RAPGEF6: variants seen among roughly 807,000 people sequenced by gnomAD.
The protein encoded by RAPGEF6 is Rap guanine nucleotide exchange factor 6.
Under a neutral mutation model 171.4 loss-of-function variants are expected in RAPGEF6, and 56 were observed. The observed-to-expected ratio is 0.33, with a 90% CI of 0.26 to 0.41. RAPGEF6 has a LOEUF of 0.41. Among genes scored for constraint, RAPGEF6 ranks in the 10% least tolerant of loss-of-function variants. The pLI, the probability that RAPGEF6 is intolerant of heterozygous loss-of-function variation, is 1.00. For synonymous variants in RAPGEF6, 692 were observed against 650.1 expected, an observed-to-expected ratio of 1.06 and a Z score of -0.98; for missense variants, 1,674 against 1,921.4, an observed-to-expected ratio of 0.87 and a Z score of 2.41.
intron 21 of RAPGEF6, 181 bp from the exon 22 acceptor site, chr5:131,446,884 G>C (rs1416661122): frequency 2.0e-5 from 12 of 605,224 alleles, no homozygotes; most frequent in Non-Finnish European, 3.4e-5. Context: ...ATTAAGAACA[G>C]GATTTGGCAA....
Position 131,442,352 on chromosome 5 carries a change from G to A in RAPGEF6, c.3607C>T (p.Leu1203=), listed in dbSNP as rs773144805. The A allele has an allele frequency of 1.9e-6, 3 of 1,613,242 alleles. No individual in the cohort carries two copies. The highest frequency in any genetic ancestry group is 2.5e-6 in the Non-Finnish European group (3 of 1,179,394). The change falls in exon 23 of 28, where the codon CTG becomes TTG. Residue 1203 remains leucine (L), a synonymous_variant. Transcript: ENST00000509018. ...RKKGQTKDPA[L]NTSLPQKVLG... Reference sequence around the variant, plus strand: ...AATATTAATGGTGAATACTCACTCAGTGCAGGGTCTTTTGTTTGTCCCTTC... The same window carrying A: ...AATATTAATGGTGAATACTCACTCAATGCAGGGTCTTTTGTTTGTCCCTTC...
At chr5:131,588,110 G>A (rs1763368660) in intron 4 of RAPGEF6, among the ~76,000 whole-genome samples, 1 of 151,984 alleles carries the variant, frequency 6.6e-6, no homozygotes, top group Non-Finnish European at 1.5e-5. Context: ...TGGGGGTCCT[G>A]AGATTTATTT....
At chr5:131,627,644 A>C (rs1188863764) in intron 1 of RAPGEF6, among the ~76,000 whole-genome samples, 1 of 152,228 alleles carries the variant, frequency 6.6e-6, no homozygotes, top group African/African-American at 2.4e-5. Flanking sequence ...GGCTTCTTTA[A>C]GGAATTCTGG....
chr5:131,509,378 C>T (rs974546638), intron 8 of RAPGEF6, among the ~76,000 whole-genome samples: 1 of 151,976 alleles, frequency 6.6e-6, no homozygotes, highest in Admixed American at 6.6e-5. Context: ...CCCATTGCTA[C>T]TAAAAATACA....
intron 5 of RAPGEF6, among the ~76,000 whole-genome samples, chr5:131,553,749 A>G (rs1398814396): frequency 6.6e-6 from 1 of 152,104 alleles, no homozygotes; most frequent in African/African-American, 2.4e-5. Context: ...TACCAAAGAG[A>G]AAGAGGAAAA....
At chr5:131,551,238 G>A (rs556372473) in intron 5 of RAPGEF6, among the ~76,000 whole-genome samples, 1 of 152,260 alleles carries the variant, frequency 6.6e-6, no homozygotes, top group South Asian at 2.1e-4. Flanking sequence ...CACAGGCTGG[G>A]CAGGGTGGCT....
intron 6 of RAPGEF6, among the ~76,000 whole-genome samples, chr5:131,526,668 T>C (rs1758887333): frequency 6.6e-6 from 1 of 152,216 alleles, no homozygotes; most frequent in Non-Finnish European, 1.5e-5. Flanking sequence ...TTTCTCTTCC[T>C]GATCTACCTG....
At chr5:131,575,526 C>CG (rs1762553765) in intron 4 of RAPGEF6, among the ~76,000 whole-genome samples, 1 of 152,180 alleles carries the variant, frequency 6.6e-6, no homozygotes, top group Non-Finnish European at 1.5e-5. Flanking sequence ...GAAACCCCAA[C>CG]CCCTTCTACA....
intron 4 of RAPGEF6, among the ~76,000 whole-genome samples, chr5:131,579,862 T>A (rs1012903851): frequency 6.6e-6 from 1 of 152,208 alleles, no homozygotes; most frequent in Non-Finnish European, 1.5e-5. Flanking sequence ...GATTGGCGCA[T>A]ATACAATCCC....
Position 131,566,650 on chromosome 5 carries a change from T to G in RAPGEF6, c.282-4603A>C, listed in dbSNP as rs947361086. ...CTAATACAAAGTCTTTTGGAATGTATGTAATAATGCTTCTTATGTTTGAAA... is the reference window on the plus strand; with the variant it reads ...CTAATACAAAGTCTTTTGGAATGTAGGTAATAATGCTTCTTATGTTTGAAA... On this transcript the variant is annotated intron_variant, in intron 4 of 27. Transcript: ENST00000509018. 2.0e-5 allele frequency among the ~76,000 whole-genome samples: 3 copies of G among 152,134 alleles called. No homozygotes were observed. In the South Asian group the frequency reaches 6.2e-4, roughly 31 times the overall value.
chr5:131,479,053 T>C (rs1043152184), intron 16 of RAPGEF6, among the ~76,000 whole-genome samples: 2 of 152,114 alleles, frequency 1.3e-5, no homozygotes, highest in Non-Finnish European at 2.9e-5. Context: ...TTTAAAATCT[T>C]CAAGTATTAC....
intron 10 of RAPGEF6, 79 bp downstream of exon 10, chr5:131,505,285 T>C: frequency 7.1e-7 from 1 of 1,416,906 alleles, no homozygotes; most frequent in South Asian, 1.2e-5. Flanking sequence ...ATAAAGCTAT[T>C]TTCTTTTGAG....
rs1228528167 is a variant in RAPGEF6, at chr5:131,492,481, AT to A, written c.1731+100del. On this transcript the variant is annotated intron_variant, in intron 14 of 27. Transcript: ENST00000509018. Reference sequence around the variant, plus strand: ...CCTCTAAAAAAAGGCTCAGAAAAATATTTCCTTAAACTGATCATGCTTTCTG... The same window carrying A: ...CCTCTAAAAAAAGGCTCAGAAAAATATTCCTTAAACTGATCATGCTTTCTG... The A allele has an allele frequency of 3.4e-6, 4 of 1,185,688 alleles. No individual in the cohort carries two copies. In the East Asian group the frequency reaches 7.1e-5, roughly 21 times the overall value. 73.4% of individuals were successfully genotyped at this position (1,185,688 alleles called of 1,614,324 possible). A position where few individuals can be genotyped will look rare whatever the true frequency, so the allele number is the denominator to read the frequency against.
At chr5:131,609,246 A>G (rs753211057) in intron 1 of RAPGEF6, among the ~76,000 whole-genome samples, 3 of 152,220 alleles carry the variant, frequency 2.0e-5, no homozygotes, top group Non-Finnish European at 4.4e-5. Flanking sequence ...ACCCAGCCTC[A>G]AGTATTCTGT....
chr5:131,591,887 C>T (rs770208244), intron 4 of RAPGEF6, among the ~76,000 whole-genome samples: 3 of 151,904 alleles, frequency 2.0e-5, no homozygotes, highest in South Asian at 2.1e-4. Context: ...GATGGAGTTT[C>T]GCTCTTGTTG....
At chr5:131,473,117 G>C (rs1483806826) in intron 16 of RAPGEF6, among the ~76,000 whole-genome samples, 1 of 152,030 alleles carries the variant, frequency 6.6e-6, no homozygotes, top group Admixed American at 6.5e-5. Context: ...ACCATAGCAA[G>C]GTGTTCTCTT....
At chr5:131,610,238 C>T (rs1372859604) in intron 1 of RAPGEF6, among the ~76,000 whole-genome samples, 1 of 152,144 alleles carries the variant, frequency 6.6e-6, no homozygotes, top group Non-Finnish European at 1.5e-5. Flanking sequence ...TTGTACTTCC[C>T]ATTCCTACAG....
chr5:131,433,728 G>A, intron 24 of RAPGEF6, 70 bp from the exon 25 acceptor site: 21 of 1,126,808 alleles, frequency 1.9e-5, no homozygotes, highest in South Asian at 8.6e-5. Context: ...TAGGGGAAAG[G>A]ATGAAAAAAA....
intron 7 of RAPGEF6, among the ~76,000 whole-genome samples, chr5:131,515,325 C>T (rs1462521887): frequency 6.6e-6 from 1 of 152,148 alleles, no homozygotes; most frequent in Admixed American, 6.5e-5. Context: ...ATCTTTCAGT[C>T]CAGGTTGACC....
Sources: allele counts gnomAD v4.1 joint callset (sites outside exome capture counted in the v4.1 genomes callset), GRCh38; gene constraint gnomAD v4.1.1; transcripts MANE v1.5; gene names NCBI Gene and HGNC (gene_info 2026-07-23, HGNC 2026-07-21).